Variants in KCNJ3 observed in about 807,000 individuals in gnomAD.
KCNJ3 encodes the protein G protein-activated inward rectifier potassium channel 1.
A neutral mutation model predicts 39.2 loss-of-function variants in KCNJ3; 4 were observed. The ratio of observed to expected loss-of-function variants is 0.10; its 90% confidence interval spans 0.05 to 0.23. The LOEUF is 0.23. Among genes scored for constraint, KCNJ3 ranks in the 10% least tolerant of loss-of-function variants. The pLI, the probability that KCNJ3 is intolerant of heterozygous loss-of-function variation, is 1.00. For missense variants in KCNJ3, 276 were observed against 634.9 expected (o/e 0.43, Z 6.08); for synonymous variants, 230 against 237.4 (o/e 0.97, Z 0.29).
At chr2:154,793,074 T>C (rs1317208058) in intron 2 of KCNJ3, among the ~76,000 whole-genome samples, 1 of 152,060 alleles carries the variant, frequency 6.6e-6, no homozygotes, top group Non-Finnish European at 1.5e-5. Context: ...TGATTTAAAA[T>C]TTTTTCCCTC....
At chr2:154,815,837 A>G (rs1296624784) in intron 2 of KCNJ3, among the ~76,000 whole-genome samples, 2 of 152,138 alleles carry the variant, frequency 1.3e-5, no homozygotes. Flanking sequence ...CTTTTCATTT[A>G]CTGTCCTTTT....
chr2:154,855,406 T>C lies in KCNJ3; in HGVS notation c.*93T>C. ...ATTCTCCCTAAGGAATCTGAAAGTATATTTTCCTCCCAGTTCTACAAGCAT... is the reference window on the plus strand; with the variant it reads ...ATTCTCCCTAAGGAATCTGAAAGTACATTTTCCTCCCAGTTCTACAAGCAT... On this transcript the variant is annotated 3_prime_UTR_variant, in exon 3 of 3. Transcript: ENST00000295101. The C allele has an allele frequency of 1.2e-6, 1 of 864,848 alleles. No individual in the cohort carries two copies. The highest frequency in any genetic ancestry group is 1.8e-6 in the Non-Finnish European group (1 of 567,918). 53.6% of individuals were successfully genotyped at this position (864,848 alleles called of 1,614,324 possible).
At chr2:154,851,807 C>G (rs1318853399) in intron 2 of KCNJ3, among the ~76,000 whole-genome samples, 1 of 152,078 alleles carries the variant, frequency 6.6e-6, no homozygotes, top group Non-Finnish European at 1.5e-5. Context: ...TGTCATAGCA[C>G]TTTAAGTACC....
chr2:154,718,561 A>C (rs2105158265), intron 2 of KCNJ3, among the ~76,000 whole-genome samples: 1 of 152,246 alleles, frequency 6.6e-6, no homozygotes, highest in South Asian at 2.1e-4. Context: ...AGCCTTCCTA[A>C]CTGCCTGCCT....
chr2:154,756,308 G>T (rs1325414742), intron 2 of KCNJ3, among the ~76,000 whole-genome samples: 3 of 151,784 alleles, frequency 2.0e-5, no homozygotes, highest in Admixed American at 2.0e-4. Flanking sequence ...CTTTACACTT[G>T]GTATTTTATT....
At chr2:154,824,754 C>A (rs1687240694) in intron 2 of KCNJ3, among the ~76,000 whole-genome samples, 1 of 152,060 alleles carries the variant, frequency 6.6e-6, no homozygotes, top group South Asian at 2.1e-4. Flanking sequence ...GAAGCAGAAT[C>A]CAGCCAGAAG....
At chr2:154,828,355 C>T (rs1300750893) in intron 2 of KCNJ3, among the ~76,000 whole-genome samples, 2 of 152,146 alleles carry the variant, frequency 1.3e-5, no homozygotes, top group Non-Finnish European at 2.9e-5. Flanking sequence ...GTCCTGCCCA[C>T]CTCCCACATG....
chr2:154,716,772 C>T (rs1685188613), intron 2 of KCNJ3, among the ~76,000 whole-genome samples: 1 of 152,098 alleles, frequency 6.6e-6, no homozygotes, highest in South Asian at 2.1e-4. Context: ...GTGGTAGAAC[C>T]TAGTAAAAAC....
chr2:154,817,694 A>G (rs911970897), intron 2 of KCNJ3, among the ~76,000 whole-genome samples: 1 of 152,088 alleles, frequency 6.6e-6, no homozygotes, highest in African/African-American at 2.4e-5. Flanking sequence ...GGTCCATAAG[A>G]CTTCTATAAT....
At chr2:154,774,270 A>G (rs555883665) in intron 2 of KCNJ3, among the ~76,000 whole-genome samples, 8 of 152,286 alleles carry the variant, frequency 5.3e-5, no homozygotes, top group African/African-American at 1.9e-4. Context: ...TTATTCAAAT[A>G]AAAACCAATT....
At chr2:154,828,842 T>TTGAG in intron 2 of KCNJ3, among the ~76,000 whole-genome samples, 1 of 152,330 alleles carries the variant, frequency 6.6e-6, no homozygotes, top group Non-Finnish European at 1.5e-5. Flanking sequence ...AATATTTAGT[T>TTGAG]TGAGTTTTTC....
chr2:154,741,714 C>G (rs1685656436), intron 2 of KCNJ3, among the ~76,000 whole-genome samples: 1 of 151,564 alleles, frequency 6.6e-6, no homozygotes, highest in Non-Finnish European at 1.5e-5. Context: ...GTTTAGTTCC[C>G]CTCATTCTCC....
chr2:154,777,038 A>ACGCG (rs1553458347), intron 2 of KCNJ3, among the ~76,000 whole-genome samples: 1 of 124,704 alleles, frequency 8.0e-6, no homozygotes, highest in Non-Finnish European at 1.9e-5. Flanking sequence ...TCACACGTAC[A>ACGCG]CACGCACACA....
intron 2 of KCNJ3, among the ~76,000 whole-genome samples, chr2:154,819,579 G>A (rs1687135113): frequency 6.6e-6 from 1 of 151,926 alleles, no homozygotes; most frequent in African/African-American, 2.4e-5. Flanking sequence ...TCACCAGGCT[G>A]GAGTGCAGTG....
chr2:154,852,508 C>A (rs1243287332), intron 2 of KCNJ3, among the ~76,000 whole-genome samples: 2 of 152,084 alleles, frequency 1.3e-5, no homozygotes, highest in East Asian at 3.9e-4. Flanking sequence ...GGGAAAGACA[C>A]TTAGAATGAC....
rs1019971633 is a variant in KCNJ3, at chr2:154,845,413, C to T, written c.920-9314C>T. Among the ~76,000 whole-genome samples the T allele has an allele frequency of 9.2e-5, 14 of 152,080 alleles. 1 individual carries two copies. The highest frequency in any genetic ancestry group is 1.9e-4 in the East Asian group (1 of 5,166). On this transcript the variant is annotated intron_variant, in intron 2 of 2. Coordinates refer to ENST00000295101, the MANE Select transcript of KCNJ3 (RefSeq NM_002239.4). ...GGATTACAGGTGTGAGCCACCACAC[C>T]GGGCCTGAAAAATATCTTTTCCGAT...
chr2:154,718,702 G>T (rs949802356), intron 2 of KCNJ3, among the ~76,000 whole-genome samples: 1 of 152,120 alleles, frequency 6.6e-6, no homozygotes, highest in African/African-American at 2.4e-5. Flanking sequence ...AAGAATATTT[G>T]CACATACGTT....
At chr2:154,768,236 G>A (rs1384697511) in intron 2 of KCNJ3, among the ~76,000 whole-genome samples, 1 of 152,072 alleles carries the variant, frequency 6.6e-6, no homozygotes, top group East Asian at 1.9e-4. Flanking sequence ...ATTGCATTTG[G>A]CATTTTAGTC....
chr2:154,838,881 T>G (rs1007084791), intron 2 of KCNJ3, among the ~76,000 whole-genome samples: 4 of 152,008 alleles, frequency 2.6e-5, no homozygotes, highest in Non-Finnish European at 5.9e-5. Context: ...GATAATGTTT[T>G]CCAAAATAAT....
Sources: gnomAD v4.1 joint callset for allele counts (sites outside exome capture counted in the v4.1 genomes callset) on GRCh38, gnomAD v4.1.1 for gene constraint, MANE v1.5 for transcripts, NCBI Gene and HGNC (gene_info 2026-07-23, HGNC 2026-07-21) for gene names.